The following IP6K1 variants were observed in gnomAD, a reference collection of about 807,000 sequenced individuals.
IP6K1 encodes inositol hexakisphosphate kinase 1.
IP6K1 carries 13 observed loss-of-function variants against 38.3 expected under a neutral mutation model. The ratio of observed to expected loss-of-function variants is 0.34; its 90% confidence interval spans 0.22 to 0.54. The LOEUF (loss-of-function observed/expected upper bound fraction) is 0.54. IP6K1 is among the 20% of genes least tolerant of loss of function. The pLI is 0.92. For synonymous variants in IP6K1, 212 were observed against 229.9 expected, an observed-to-expected ratio of 0.92 and a Z score of 0.70; for missense variants, 397 against 599.8, an observed-to-expected ratio of 0.66 and a Z score of 3.53.
intron 1 of IP6K1, chr3:49,785,538 T>C (rs1450112252): frequency 6.6e-6 from 1 of 152,066 alleles, no homozygotes; most frequent in African/African-American, 2.4e-5. Flanking sequence ...AACAGTTAAT[T>C]TGCCAGTTCC....
At chr3:49,769,026 C>CA (rs1293246457) in intron 1 of IP6K1, among the ~76,000 whole-genome samples, 1 of 151,868 alleles carries the variant, frequency 6.6e-6, no homozygotes, top group Non-Finnish European at 1.5e-5. Flanking sequence ...ACAATAGCAT[C>CA]AAAAAAATCA....
At chr3:49,780,344 T>TCACACACACACACACACACACACACACA (rs2081054917) in intron 1 of IP6K1, among the ~76,000 whole-genome samples, 1 of 11,528 alleles carries the variant, frequency 8.7e-5, no homozygotes, top group African/African-American at 3.2e-4. Flanking sequence ...ACACACACAG[T>TCACACACACACACACACACACACACACA]CTTAGGCTTT....
At chr3:49,784,543 G>A (rs572139250) in intron 1 of IP6K1, among the ~76,000 whole-genome samples, 7 of 152,006 alleles carry the variant, frequency 4.6e-5, no homozygotes. Context: ...TACTTGGGAG[G>A]CTGGGGCAGG....
intron 1 of IP6K1, among the ~76,000 whole-genome samples, chr3:49,778,033 C>T (rs1360167756): frequency 1.3e-5 from 2 of 150,862 alleles, no homozygotes; most frequent in Admixed American, 6.6e-5. Flanking sequence ...TTTTTTAAGA[C>T]GGGGTCTCTC....
intron 1 of IP6K1, among the ~76,000 whole-genome samples, chr3:49,748,636 A>AT (rs1196641087): frequency 6.6e-6 from 1 of 152,102 alleles, no homozygotes; most frequent in Admixed American, 6.6e-5. Flanking sequence ...GTCACATGAG[A>AT]TTCCCAAATT....
At chr3:49,729,176 A>G (rs1222747165) in intron 4 of IP6K1, among the ~76,000 whole-genome samples, 1 of 152,088 alleles carries the variant, frequency 6.6e-6, no homozygotes, top group Non-Finnish European at 1.5e-5. Context: ...TTTCCTGGGT[A>G]TCTCATAAGT....
At chr3:49,728,314 A>G (rs1222880830) in intron 4 of IP6K1, 36 bp from the exon 5 acceptor site, 8 of 1,597,402 alleles carry the variant, frequency 5.0e-6, no homozygotes, top group African/African-American at 1.3e-5. Flanking sequence ...AACCACACTC[A>G]CCATCAGCCC....
chr3:49,727,139 G>C lies in IP6K1; in HGVS notation c.1309C>G (p.Arg437Gly), dbSNP rs376501523. ...AACAGGGCCTACTGGTTCTCGTCCC[G>C]CATCTGTTCCATGATGCTGATGAGG... ...ENLISIMEQM[R>G]DENQ Residue 437 changes from arginine to glycine, a missense_variant, in exon 6 of 6, where the codon CGG becomes GGG. Physicochemically the swap from Arg to Gly is moderately radical, Grantham distance 125. Coordinates refer to ENST00000321599, the MANE Select transcript of IP6K1 (RefSeq NM_153273.4). This position sits in a 1 kb window ranked among gnomAD's most constrained non-coding sequence, Gnocchi z 5.9. 12 of 1,608,028 alleles carry C rather than the reference G, an allele frequency of 7.5e-6. No homozygotes were observed. The highest frequency in any genetic ancestry group is 6.7e-5 in the African/African-American group (5 of 74,834).
chr3:49,761,678 G>A (rs2080869575), intron 1 of IP6K1, among the ~76,000 whole-genome samples: 1 of 151,370 alleles, frequency 6.6e-6, no homozygotes. Context: ...AAAAGGCCAG[G>A]TGTGATGGCT....
At chr3:49,759,527 A>C (rs946694192) in intron 1 of IP6K1, among the ~76,000 whole-genome samples, 5 of 152,166 alleles carry the variant, frequency 3.3e-5, no homozygotes, top group Admixed American at 3.3e-4. Context: ...ATAGTTAGAC[A>C]TTTAGAAAAC....
chr3:49,731,071 G>A (rs2080557791), intron 4 of IP6K1, among the ~76,000 whole-genome samples: 2 of 150,622 alleles, frequency 1.3e-5, no homozygotes. Flanking sequence ...CTCGTTCACT[G>A]GTTTCAAATT....
chr3:49,748,254 CTT>C (rs964007908), intron 1 of IP6K1, 86 bp from the exon 2 acceptor site: 8 of 587,048 alleles, frequency 1.4e-5, no homozygotes, highest in Admixed American at 2.9e-5. Flanking sequence ...AGCAGGGACT[CTT>C]GTTTTGTTCC....
At position 49,738,365 on chromosome 3, in the gene IP6K1, T is replaced by G; in HGVS notation, c.281A>C (p.Tyr94Ser). The change falls in exon 3 of 6, where the codon TAT (tyrosine) becomes TCT (serine). Residue 94 changes from tyrosine (Y) to serine (S), a missense_variant. Physicochemically the swap from Tyr to Ser is moderately radical, Grantham distance 144. This residue lies in a region of IP6K1 where 171 missense variants were observed against 237.0 expected (regional missense o/e 0.72). Transcript: ENST00000321599. Reference sequence around the variant, plus strand: ...CACAGTCTCACTTTCCACATAAGGATAGGCCACTAAGTTGATGTAACCATC... The same window carrying G: ...CACAGTCTCACTTTCCACATAAGGAGAGGCCACTAAGTTGATGTAACCATC... ...DSDGYINLVA[Y>S]PYVESETVEQ... is the part of the protein sequence containing the mutation. 1 of 1,614,164 alleles carries G rather than the reference T, an allele frequency of 6.2e-7. No homozygotes were observed.
At chr3:49,786,279 A>G (rs1575334985) in intron 1 of IP6K1, 75 bp downstream of exon 1, 1 of 151,284 alleles carries the variant, frequency 6.6e-6, no homozygotes, top group East Asian at 2.0e-4. Flanking sequence ...ACACGCGCCC[A>G]CTCCAACCCC....
At chr3:49,765,817 T>G (rs1337763930) in intron 1 of IP6K1, among the ~76,000 whole-genome samples, 1 of 151,574 alleles carries the variant, frequency 6.6e-6, no homozygotes, top group African/African-American at 2.4e-5. Context: ...CTAGGGCAGG[T>G]GGGTCACTTG....
At chr3:49,773,161 T>C (rs903774119) in intron 1 of IP6K1, among the ~76,000 whole-genome samples, 3 of 152,124 alleles carry the variant, frequency 2.0e-5, no homozygotes, top group African/African-American at 7.2e-5. Flanking sequence ...ATTCTACCAA[T>C]GAAAAGTAAT....
intron 1 of IP6K1, among the ~76,000 whole-genome samples, chr3:49,752,916 A>G (rs1361157010): frequency 6.6e-6 from 1 of 150,554 alleles, no homozygotes; most frequent in Non-Finnish European, 1.5e-5. Context: ...CACCATGCCC[A>G]GCTAATTTTA....
At chr3:49,735,225 T>C (rs1345702953) in intron 3 of IP6K1, among the ~76,000 whole-genome samples, 1 of 152,096 alleles carries the variant, frequency 6.6e-6, no homozygotes, top group Non-Finnish European at 1.5e-5. Flanking sequence ...TGCAGTGGTG[T>C]GCACCTGTAG....
chr3:49,733,458 G>T (rs1029765412), intron 3 of IP6K1, among the ~76,000 whole-genome samples: 1 of 152,086 alleles, frequency 6.6e-6, no homozygotes, highest in African/African-American at 2.4e-5. Flanking sequence ...GACACTTTAC[G>T]TCAACATTCA....
Sources: gnomAD v4.1 joint callset for allele counts (sites outside exome capture counted in the v4.1 genomes callset) on GRCh38, gnomAD v4.1.1 for gene constraint, gnomAD v4.1.1 regional missense constraint, Gnocchi (gnomAD v3.1) non-coding constraint, MANE v1.5 for transcripts, NCBI Gene and HGNC (gene_info 2026-07-23, HGNC 2026-07-21) for gene names.